FAM13A: variants seen among roughly 807,000 people sequenced by gnomAD.
FAM13A encodes family with sequence similarity 13 member A, also known as protein FAM13A.
In FAM13A, 76 loss-of-function variants were observed where a neutral mutation model predicts 129.6. That is an observed-to-expected ratio of 0.59 (90% confidence interval 0.49 to 0.71). The LOEUF (loss-of-function observed/expected upper bound fraction) is 0.71. Among genes scored for constraint, FAM13A ranks in the 30% least tolerant of loss-of-function variants. The pLI is 0.00. For missense variants in FAM13A, 1,108 were observed against 1,249.3 expected, an observed-to-expected ratio of 0.89 and a Z score of 1.70; for synonymous variants, 443 against 449.9, an observed-to-expected ratio of 0.98 and a Z score of 0.20.
intron 11 of FAM13A, among the ~76,000 whole-genome samples, chr4:88,780,690 A>T (rs2149612013): frequency 6.6e-6 from 1 of 152,314 alleles, no homozygotes; most frequent in Non-Finnish European, 1.5e-5. Context: ...GGAAGAAAAT[A>T]CTTTAAAAGA....
In FAM13A at chr4:88,749,814, A is replaced by G; in HGVS notation, c.2036T>C (p.Ile679Thr). 1 of 1,614,074 alleles carries G rather than the reference A, an allele frequency of 6.2e-7. No homozygotes were observed. Among genetic ancestry groups the G allele is most frequent in the Non-Finnish European group, 8.5e-7 (1 of 1,180,010 alleles). The stretch of plus-strand genomic sequence containing the variant: ...TTCGAATCTATCTTCAAACTTCCGG[A>G]TCTTCTTTTTAAGGCTCTGAATCCT... Reference protein sequence around the residue: ...TRRIQSLKKKIRKFEDRFEEE... With the variant: ...TRRIQSLKKKTRKFEDRFEEE... Residue 679 changes from isoleucine (I) to threonine (T), a missense_variant, in exon 16 of 24, where the codon ATC becomes ACC. Ile to Thr is a moderately conservative substitution (Grantham distance 89). Coordinates refer to ENST00000264344, the MANE Select transcript of FAM13A (RefSeq NM_014883.4).
chr4:88,996,678 A>T (rs1342857669), intron 3 of FAM13A, among the ~76,000 whole-genome samples: 1 of 152,108 alleles, frequency 6.6e-6, no homozygotes, highest in Non-Finnish European at 1.5e-5. Flanking sequence ...ACCAGGGTGA[A>T]GGCTAGTGAT....
chr4:88,973,971 G>A (rs1760531149), intron 4 of FAM13A, among the ~76,000 whole-genome samples: 1 of 152,166 alleles, frequency 6.6e-6, no homozygotes, highest in South Asian at 2.1e-4. Context: ...AGAAATCCCT[G>A]GCAGGTTAGG....
At chr4:88,834,808 ATG>A (rs1734532967) in intron 7 of FAM13A, among the ~76,000 whole-genome samples, 1 of 152,148 alleles carries the variant, frequency 6.6e-6, no homozygotes, top group Non-Finnish European at 1.5e-5. Flanking sequence ...TGATACCTGA[ATG>A]AATACTTTGT....
chr4:88,957,316 G>A (rs531038772), intron 4 of FAM13A, among the ~76,000 whole-genome samples: 203 of 151,472 alleles, frequency 1.3e-3, no homozygotes, highest in African/African-American at 4.6e-3. Flanking sequence ...ATGACAGAGC[G>A]AGACTCTGTC....
At chr4:89,046,168 A>G (rs147990453) in intron 1 of FAM13A, among the ~76,000 whole-genome samples, 1,944 of 152,278 alleles carry the variant, frequency 0.013, 48 homozygotes, top group African/African-American at 0.044. Context: ...TGTCCAAACT[A>G]CCAGAGAACA....
intron 2 of FAM13A, among the ~76,000 whole-genome samples, chr4:89,023,201 T>C (rs945138680): frequency 1.3e-5 from 2 of 152,214 alleles, no homozygotes; most frequent in African/African-American, 4.8e-5. Context: ...TTTAAAGCTT[T>C]CAAGGTCTGT....
At chr4:88,846,387 C>A (rs1047406110) in intron 7 of FAM13A, among the ~76,000 whole-genome samples, 2 of 152,206 alleles carry the variant, frequency 1.3e-5, no homozygotes, top group Admixed American at 1.3e-4. Flanking sequence ...TGGAATCCTG[C>A]CAGGATGAGA....
intron 5 of FAM13A, among the ~76,000 whole-genome samples, chr4:88,933,242 T>C (rs1753330139): frequency 6.6e-6 from 1 of 152,180 alleles, no homozygotes; most frequent in Non-Finnish European, 1.5e-5. Flanking sequence ...AATATGCTCA[T>C]CACATTATTT....
At chr4:88,741,747 G>A (rs1039060760) in intron 19 of FAM13A, among the ~76,000 whole-genome samples, 3 of 152,110 alleles carry the variant, frequency 2.0e-5, no homozygotes, top group African/African-American at 7.2e-5. Flanking sequence ...TTCAGATTTT[G>A]GGATTTGGGA....
chr4:88,988,433 A>G (rs1179162033), intron 4 of FAM13A, among the ~76,000 whole-genome samples: 1 of 152,246 alleles, frequency 6.6e-6, no homozygotes, highest in Non-Finnish European at 1.5e-5. Flanking sequence ...ACGGTTATGT[A>G]GCAAAAATTC....
chr4:88,971,309 T>C (rs1579560732), intron 4 of FAM13A, among the ~76,000 whole-genome samples: 1 of 152,232 alleles, frequency 6.6e-6, no homozygotes, highest in African/African-American at 2.4e-5. Context: ...AACTGTCTTT[T>C]GGATAACAAC....
intron 4 of FAM13A, among the ~76,000 whole-genome samples, chr4:88,940,142 A>G (rs1446340795): frequency 6.6e-6 from 1 of 152,148 alleles, no homozygotes; most frequent in Admixed American, 6.5e-5. Flanking sequence ...ATGCTGCTGT[A>G]ACAAATATCT....
At chr4:89,028,168 T>C (rs1330416149) in intron 2 of FAM13A, among the ~76,000 whole-genome samples, 1 of 146,226 alleles carries the variant, frequency 6.8e-6, no homozygotes, top group Non-Finnish European at 1.5e-5. Flanking sequence ...ATTACGCCAT[T>C]GCACTACAGC....
At chr4:88,742,354 T>C (rs1476290527) in intron 19 of FAM13A, among the ~76,000 whole-genome samples, 2 of 152,222 alleles carry the variant, frequency 1.3e-5, no homozygotes, top group African/African-American at 4.8e-5. Flanking sequence ...TACAAATTGC[T>C]CATGTTTTCA....
chr4:88,943,671 G>A (rs1579403917), intron 4 of FAM13A, among the ~76,000 whole-genome samples: 1 of 152,182 alleles, frequency 6.6e-6, no homozygotes, highest in East Asian at 1.9e-4. Flanking sequence ...GCAAGTTCAG[G>A]TTTCTGCTAA....
At chr4:88,902,261 G>A (rs1747416801) in intron 6 of FAM13A, among the ~76,000 whole-genome samples, 1 of 152,066 alleles carries the variant, frequency 6.6e-6, no homozygotes, top group Non-Finnish European at 1.5e-5. Context: ...ATTGTATGAG[G>A]CCAGCATCAT....
At chr4:88,837,546 T>A (rs1270098280) in intron 7 of FAM13A, among the ~76,000 whole-genome samples, 1 of 150,858 alleles carries the variant, frequency 6.6e-6, no homozygotes, top group Non-Finnish European at 1.5e-5. Flanking sequence ...AGAAAGCCCG[T>A]CTGTACTAAA....
At chr4:88,909,198 C>A (rs570420034) in intron 5 of FAM13A, among the ~76,000 whole-genome samples, 1 of 152,166 alleles carries the variant, frequency 6.6e-6, no homozygotes, top group African/African-American at 2.4e-5. Context: ...AATCCAAATG[C>A]CCATTAATTG....
Sources: gnomAD v4.1 joint callset for allele counts (sites outside exome capture counted in the v4.1 genomes callset) on GRCh38, gnomAD v4.1.1 for gene constraint, MANE v1.5 for transcripts, NCBI Gene and HGNC (gene_info 2026-07-23, HGNC 2026-07-21) for gene names.